Variants in KCNH8 observed in about 807,000 individuals in gnomAD.
KCNH8 encodes potassium voltage-gated channel subfamily H member 8.
KCNH8 carries 70 observed loss-of-function variants against 103.6 expected under a neutral mutation model. The ratio of observed to expected loss-of-function variants is 0.68; its 90% CI spans 0.56 to 0.82. The LOEUF (loss-of-function observed/expected upper bound fraction) is 0.82. Among genes scored for constraint, KCNH8 ranks in the 40% least tolerant of loss-of-function variants. The probability of loss-of-function intolerance (pLI) is 0.00; values close to 1 mark genes in which losing one functional copy is unlikely to be tolerated. For missense variants in KCNH8, 1,217 were observed against 1,329.9 expected (o/e 0.92, Z 1.32); for synonymous variants, 498 against 489.4 (o/e 1.02, Z -0.23).
At position 19,414,236 on chromosome 3, in the gene KCNH8, A is replaced by G. The variant is rs75188314; in HGVS notation, c.1177+18925A>G. On this transcript the variant is annotated intron_variant, in intron 7 of 15. Coordinates refer to ENST00000328405, the MANE Select transcript of KCNH8 (RefSeq NM_144633.3). The stretch of plus-strand genomic sequence containing the variant: ...ACATTAAAGTTTACAAAATTTCTCA[A>G]CTAGAGTTTGGAGCAGGGAAAGGAG... Among the ~76,000 whole-genome samples, 67 of 152,262 alleles carry G rather than the reference A, an allele frequency of 4.4e-4. No individual in the cohort carries two copies. The East Asian group carries it at 0.011, about 25-fold the overall frequency.
chr3:19,238,877 A>G (rs564622474), intron 1 of KCNH8, among the ~76,000 whole-genome samples: 10 of 152,340 alleles, frequency 6.6e-5, no homozygotes, highest in African/African-American at 2.2e-4. Context: ...CAGTTTTTTA[A>G]TTCCAGAGGA....
chr3:19,499,864 G>C (rs1489668824), intron 11 of KCNH8, among the ~76,000 whole-genome samples: 1 of 152,066 alleles, frequency 6.6e-6, no homozygotes, highest in African/African-American at 2.4e-5. Flanking sequence ...ATCAAGACTA[G>C]GAAGAAACTG....
chr3:19,499,271 C>G (rs1408090123), intron 11 of KCNH8, among the ~76,000 whole-genome samples: 1 of 152,102 alleles, frequency 6.6e-6, no homozygotes, highest in Admixed American at 6.6e-5. Context: ...GCAAAGCCTC[C>G]AAGAAATATG....
At chr3:19,253,967 C>G (rs2064313528) in intron 2 of KCNH8, 80 bp downstream of exon 2, 1 of 936,060 alleles carries the variant, frequency 1.1e-6, no homozygotes, top group Admixed American at 1.9e-5. Context: ...TCCGCAACTC[C>G]CATTAAGGCT....
intron 1 of KCNH8, among the ~76,000 whole-genome samples, chr3:19,238,646 C>G (rs983959461): frequency 2.6e-5 from 4 of 152,240 alleles, no homozygotes; most frequent in Middle Eastern, 3.4e-3. Context: ...ACTTGTCCTC[C>G]TTGTTTCTAA....
At position 19,214,184 on chromosome 3, in the gene KCNH8, C is replaced by G. The variant is rs1353383709; in HGVS notation, c.77-39470C>G. On this transcript the variant is annotated intron_variant, in intron 1 of 15. Transcript: ENST00000328405. ...GACGTTGGGAGCTGAACTGCACTTT[C>G]TCTAAGTTTGCCCTTCCTTGGATTT... 5.3e-5 allele frequency among the ~76,000 whole-genome samples: 8 copies of G among 152,324 alleles called. No individual in the cohort carries two copies. The East Asian group carries it at 1.5e-3, about 29-fold the overall frequency.
chr3:19,452,660 G>T (rs1575082530), intron 10 of KCNH8, among the ~76,000 whole-genome samples: 2 of 152,024 alleles, frequency 1.3e-5, no homozygotes, highest in South Asian at 4.1e-4. Flanking sequence ...AATAAAAGGG[G>T]GTGAATTCAG....
At chr3:19,334,561 C>G (rs1180776089) in intron 3 of KCNH8, among the ~76,000 whole-genome samples, 1 of 151,786 alleles carries the variant, frequency 6.6e-6, no homozygotes, top group African/African-American at 2.4e-5. Context: ...AACTGAGTCA[C>G]AGGCTTTTTT....
chr3:19,473,464 TGGTCACAGA>T (rs2067905839), intron 11 of KCNH8, among the ~76,000 whole-genome samples: 1 of 152,200 alleles, frequency 6.6e-6, no homozygotes, highest in Non-Finnish European at 1.5e-5. Flanking sequence ...AATAACCCTA[TGGTCACAGA>T]CTGGCTCTGG....
intron 1 of KCNH8, among the ~76,000 whole-genome samples, chr3:19,181,066 A>G (rs113014935): frequency 0.025 from 3,852 of 152,294 alleles, 161 homozygotes; most frequent in African/African-American, 0.086. Context: ...CATTTTTATG[A>G]AGTTGCTTTC....
chr3:19,197,757 A>C (rs2063616557), intron 1 of KCNH8, among the ~76,000 whole-genome samples: 1 of 152,034 alleles, frequency 6.6e-6, no homozygotes, highest in Non-Finnish European at 1.5e-5. Flanking sequence ...GAGTCCTTAC[A>C]GATATATTTG....
At chr3:19,355,486 A>C (rs1490778748) in intron 5 of KCNH8, among the ~76,000 whole-genome samples, 1 of 152,216 alleles carries the variant, frequency 6.6e-6, no homozygotes, top group Non-Finnish European at 1.5e-5. Context: ...ACCAACCCAA[A>C]TGTCCATCAA....
At chr3:19,497,514 G>A (rs2068469628) in intron 11 of KCNH8, among the ~76,000 whole-genome samples, 2 of 152,040 alleles carry the variant, frequency 1.3e-5, no homozygotes, top group Non-Finnish European at 2.9e-5. Flanking sequence ...ACTCACTCAG[G>A]AGCAGGTTGT....
At chr3:19,478,166 C>T (rs2068015312) in intron 11 of KCNH8, among the ~76,000 whole-genome samples, 1 of 152,072 alleles carries the variant, frequency 6.6e-6, no homozygotes, top group East Asian at 1.9e-4. Context: ...TTTTCTTCAT[C>T]TGATCCTCCA....
At chr3:19,521,552 C>T (rs2068970692) in intron 15 of KCNH8, among the ~76,000 whole-genome samples, 1 of 151,872 alleles carries the variant, frequency 6.6e-6, no homozygotes, top group African/African-American at 2.4e-5. Flanking sequence ...TTCTACCTAA[C>T]AGTGCCCAGT....
Position 19,533,796 on chromosome 3 carries a change from A to G in KCNH8, c.3021A>G (p.Gln1007=), listed in dbSNP as rs1235105644. ...AGGTTGTCCAAGAAGGTCATTTGCA[A>G]TTTTTAAGGTGCATCTCTCCACATT... ...HYQVVQEGHL[Q]FLRCISPHSD... is the part of the protein sequence containing the mutation. Residue 1007 remains glutamine, a synonymous_variant, in exon 16 of 16, where the codon CAA becomes CAG. Transcript: ENST00000328405. 3.1e-6 allele frequency: 5 copies of G among 1,613,992 alleles called. No homozygotes were observed. The highest frequency in any genetic ancestry group is 8.5e-7 in the Non-Finnish European group (1 of 1,180,010).
At chr3:19,210,768 A>T (rs1196199069) in intron 1 of KCNH8, among the ~76,000 whole-genome samples, 1 of 152,118 alleles carries the variant, frequency 6.6e-6, no homozygotes. Context: ...CAGTGAATCA[A>T]ATGAGAGATA....
At chr3:19,161,220 T>A (rs1253739738) in intron 1 of KCNH8, among the ~76,000 whole-genome samples, 1 of 152,154 alleles carries the variant, frequency 6.6e-6, no homozygotes, top group African/African-American at 2.4e-5. Context: ...CATGTTCCAA[T>A]TGAGGGCAAT....
At chr3:19,256,186 G>A (rs527310218) in intron 2 of KCNH8, among the ~76,000 whole-genome samples, 1 of 152,214 alleles carries the variant, frequency 6.6e-6, no homozygotes, top group African/African-American at 2.4e-5. Flanking sequence ...ATGTCAAGAA[G>A]GAGAGGCTGC....
Sources: gnomAD v4.1 joint callset for allele counts (sites outside exome capture counted in the v4.1 genomes callset) on GRCh38, gnomAD v4.1.1 for gene constraint, MANE v1.5 for transcripts, NCBI Gene and HGNC (gene_info 2026-07-23, HGNC 2026-07-21) for gene names.